Variants in CDK5RAP2 observed in about 807,000 individuals in gnomAD.
CDK5RAP2 encodes the protein CDK5 regulatory subunit-associated protein 2.
In CDK5RAP2, 147 loss-of-function variants were observed where a neutral mutation model predicts 232.9. The ratio of observed to expected loss-of-function variants is 0.63; its 90% CI spans 0.55 to 0.72. The LOEUF (loss-of-function observed/expected upper bound fraction) is 0.72. Among genes scored for constraint, CDK5RAP2 ranks in the 30% least tolerant of loss-of-function variants. The pLI is 0.00. For synonymous variants in CDK5RAP2, 833 were observed against 833.7 expected (o/e 1.00, Z 0.01); for missense variants, 2,195 against 2,231.5 (o/e 0.98, Z 0.33).
chr9:120,461,809 C>T (rs889145654), intron 18 of CDK5RAP2, among the ~76,000 whole-genome samples: 2 of 152,316 alleles, frequency 1.3e-5, no homozygotes, highest in Middle Eastern at 3.4e-3. Flanking sequence ...CACCACTGCA[C>T]TCCAGCCTGG....
intron 12 of CDK5RAP2, among the ~76,000 whole-genome samples, chr9:120,499,869 A>G (rs1389539633): frequency 6.6e-6 from 1 of 152,160 alleles, no homozygotes; most frequent in Non-Finnish European, 1.5e-5. Context: ...ACAGTTTTTA[A>G]GTTTGGTATG....
intron 1 of CDK5RAP2, 109 bp from the exon 2 acceptor site, chr9:120,572,150 C>T: frequency 1.2e-6 from 1 of 858,730 alleles, no homozygotes; most frequent in Admixed American, 1.8e-5. Context: ...GAGGGATGCA[C>T]ACAGCTGGGC....
chr9:120,490,235 T>G (rs1349953063), intron 13 of CDK5RAP2, among the ~76,000 whole-genome samples: 1 of 152,164 alleles, frequency 6.6e-6, no homozygotes, highest in African/African-American at 2.4e-5. Context: ...CACAGTGAGG[T>G]GCGCAGGTAG....
At chr9:120,392,084 C>T (rs1435121343) in intron 36 of CDK5RAP2, among the ~76,000 whole-genome samples, 1 of 152,110 alleles carries the variant, frequency 6.6e-6, no homozygotes, top group Non-Finnish European at 1.5e-5. Flanking sequence ...AATGATTTGC[C>T]ACCTCCATGC....
rs1000759028 is a variant in CDK5RAP2, at chr9:120,576,411, C to A, written c.59+3509G>T. 2.6e-5 allele frequency among the ~76,000 whole-genome samples: 4 copies of A among 152,154 alleles called. No homozygotes were observed. The South Asian group carries it at 8.3e-4, about 32-fold the overall frequency. ...AGTAGCCATTAACATGTAATCAATA[C>A]CACAATGAGGGCCAGGCGGGGTGGC... On this transcript the variant is annotated intron_variant, in intron 1 of 37. Transcript: ENST00000349780.
intron 10 of CDK5RAP2, among the ~76,000 whole-genome samples, chr9:120,527,260 C>G (rs1373996451): frequency 6.6e-6 from 1 of 152,234 alleles, no homozygotes; most frequent in Non-Finnish European, 1.5e-5. Context: ...AGCTCTTTAA[C>G]TGGCTCACAG....
At chr9:120,406,631 G>C (rs2033462846) in intron 32 of CDK5RAP2, 1 of 229,542 alleles carries the variant, frequency 4.4e-6, no homozygotes, top group African/African-American at 2.3e-5. Flanking sequence ...TTCAGATCCT[G>C]AAAGACACTG....
chr9:120,506,106 G>T (rs1345223615), intron 12 of CDK5RAP2, among the ~76,000 whole-genome samples: 3 of 152,194 alleles, frequency 2.0e-5, no homozygotes, highest in Non-Finnish European at 4.4e-5. Flanking sequence ...TCAAAGGACA[G>T]GGTGACTTCC....
intron 3 of CDK5RAP2, among the ~76,000 whole-genome samples, chr9:120,556,649 G>T (rs1466028984): frequency 2.6e-5 from 4 of 152,018 alleles, no homozygotes; most frequent in African/African-American, 9.6e-5. Flanking sequence ...GGCTGGTCTT[G>T]AACTCCTGAC....
intron 19 of CDK5RAP2, among the ~76,000 whole-genome samples, chr9:120,458,979 C>A (rs978388276): frequency 3.9e-5 from 6 of 152,204 alleles, no homozygotes; most frequent in African/African-American, 1.2e-4. Flanking sequence ...TTACTCACTA[C>A]AGGTGCACAA....
At position 120,580,158 on chromosome 9, in the gene CDK5RAP2, CT is replaced by C. The variant is rs2043194076; in HGVS notation, c.-181del. ...CCGCCATCTTTCCCGGCGCTTCTTC[CT>C]ACGGAAACGAGGCGGGGTCACGGAG... On this transcript the variant is annotated 5_prime_UTR_variant, in exon 1 of 38. Coordinates refer to ENST00000349780, the MANE Select transcript of CDK5RAP2 (RefSeq NM_018249.6). 4 of 582,000 alleles carry C rather than the reference CT, an allele frequency of 6.9e-6. No individual in the cohort carries two copies. In the South Asian group the frequency reaches 8.6e-5, roughly 13 times the overall value. The allele number at this position is 582,000 out of a possible 1,614,324, so 36.1% of individuals were successfully genotyped here.
At chr9:120,465,408 C>T (rs1012143775) in intron 18 of CDK5RAP2, among the ~76,000 whole-genome samples, 20 of 152,060 alleles carry the variant, frequency 1.3e-4, no homozygotes, top group Non-Finnish European at 5.9e-5. Context: ...ACAGCAACAA[C>T]AGGATACCTG....
rs1292201723 is a variant in CDK5RAP2, at chr9:120,403,865, T to C, written c.5041+171A>G. Among the ~76,000 whole-genome samples, 2 of 152,200 alleles carry C rather than the reference T, an allele frequency of 1.3e-5. No homozygotes were observed. The highest frequency in any genetic ancestry group is 4.8e-5 in the African/African-American group (2 of 41,438). ...ACCTTGGTAACACCTAGGAGTGGAT[T>C]AACTGGCTTGAAGGAGAAGATCACC... On this transcript the variant is annotated intron_variant, in intron 33 of 37. Coordinates refer to ENST00000349780, the MANE Select transcript of CDK5RAP2 (RefSeq NM_018249.6). The surrounding 1 kb of genome is among the most constrained non-coding windows in gnomAD (Gnocchi z 4.2).
chr9:120,426,193 TG>T (rs1269318860), intron 25 of CDK5RAP2, among the ~76,000 whole-genome samples: 2 of 152,352 alleles, frequency 1.3e-5, no homozygotes, highest in African/African-American at 4.8e-5. Flanking sequence ...TTGTTGCCAC[TG>T]TAAGCCAAAA....
At chr9:120,482,651 G>A (rs927969850) in intron 14 of CDK5RAP2, among the ~76,000 whole-genome samples, 1 of 152,172 alleles carries the variant, frequency 6.6e-6, no homozygotes, top group South Asian at 2.1e-4. Context: ...AAGGCTGAGG[G>A]CTCCTGGCAA....
At chr9:120,542,762 C>G (rs968313527) in intron 5 of CDK5RAP2, among the ~76,000 whole-genome samples, 1 of 152,154 alleles carries the variant, frequency 6.6e-6, no homozygotes, top group Non-Finnish European at 1.5e-5. Context: ...TCAAGACTTT[C>G]CCAGCTCCCA....
Position 120,445,223 on chromosome 9 carries a change from AAAGTGTGT to A in CDK5RAP2, c.3026-1489_3026-1482del, listed in dbSNP as rs1290571310. Reference sequence around the variant, plus strand: ...CCCATAGCTCTCATATCATGGGCCCAAAGTGTGTAAGTGTCTTTGCTCCTCGCTGCCAC... The same window carrying A: ...CCCATAGCTCTCATATCATGGGCCCAAAGTGTCTTTGCTCCTCGCTGCCAC... On this transcript the variant is annotated intron_variant, in intron 22 of 37. Coordinates refer to ENST00000349780, the MANE Select transcript of CDK5RAP2 (RefSeq NM_018249.6). Among the ~76,000 whole-genome samples, 3 of 152,196 alleles carry A rather than the reference AAAGTGTGT, an allele frequency of 2.0e-5. No individual in the cohort carries two copies. The East Asian group carries it at 5.8e-4, about 29-fold the overall frequency.
intron 14 of CDK5RAP2, among the ~76,000 whole-genome samples, chr9:120,479,806 G>A (rs1457018703): frequency 6.6e-6 from 1 of 152,198 alleles, no homozygotes; most frequent in Non-Finnish European, 1.5e-5. Flanking sequence ...TACAAAGGGT[G>A]TTATTGAGAC....
rs1390781086 is a variant in CDK5RAP2, at chr9:120,443,624, C to A, written c.3144G>T (p.Glu1048Asp). The A allele has an allele frequency of 1.9e-6, 3 of 1,614,134 alleles. No homozygotes were observed. Among genetic ancestry groups the A allele is most frequent in the Non-Finnish European group, 2.5e-6 (3 of 1,180,004 alleles). The change falls in exon 23 of 38, where the codon GAG becomes GAT. Residue 1048 changes from glutamate to aspartate, a missense_variant. Transcript: ENST00000349780. ...EMDSDQQRSYEIDSEICPPDD... is the reference protein window; with the variant it reads ...EMDSDQQRSYDIDSEICPPDD... ...ACACAGGGGCTGAATTCTGACCAAT[C>A]TCGTAGCTTCTTTGCTGATCACTGT...
Sources: allele counts gnomAD v4.1 joint callset (sites outside exome capture counted in the v4.1 genomes callset), GRCh38; gene constraint gnomAD v4.1.1; non-coding constraint Gnocchi (gnomAD v3.1); transcripts MANE v1.5; gene names NCBI Gene and HGNC (gene_info 2026-07-23, HGNC 2026-07-21).